Variants in CNTNAP5 observed in about 807,000 individuals in gnomAD.
The protein encoded by CNTNAP5 is contactin associated protein family member 5, also known as contactin-associated protein-like 5.
CNTNAP5 carries 72 observed loss-of-function variants against 150.2 expected under a neutral mutation model. The observed-to-expected ratio is 0.48, with a 90% CI of 0.40 to 0.58. The LOEUF (loss-of-function observed/expected upper bound fraction) is 0.58. Among genes scored for constraint, CNTNAP5 ranks in the 20% least tolerant of loss-of-function variants. The pLI, the probability that CNTNAP5 is intolerant of heterozygous loss-of-function variation, is 0.00. For synonymous variants in CNTNAP5, 672 were observed against 619.8 expected (o/e 1.08, Z -1.25); for missense variants, 1,636 against 1,626.2 (o/e 1.01, Z -0.10).
At chr2:124,314,654 A>T (rs563705012) in intron 3 of CNTNAP5, among the ~76,000 whole-genome samples, 155 of 152,330 alleles carry the variant, frequency 1.0e-3, no homozygotes, top group South Asian at 1.7e-3. Flanking sequence ...ATTTTATACA[A>T]TACAAAATAT....
At chr2:124,152,986 C>A (rs983953761) in intron 1 of CNTNAP5, among the ~76,000 whole-genome samples, 1 of 152,140 alleles carries the variant, frequency 6.6e-6, no homozygotes, top group African/African-American at 2.4e-5. Flanking sequence ...GCTAGACCAT[C>A]CCTAGGGTTA....
At chr2:124,059,681 G>A (rs2104651991) in intron 1 of CNTNAP5, among the ~76,000 whole-genome samples, 1 of 152,226 alleles carries the variant, frequency 6.6e-6, no homozygotes, top group Middle Eastern at 3.4e-3. Flanking sequence ...TTAAGAAGGA[G>A]TTGGGGACAC....
intron 1 of CNTNAP5, among the ~76,000 whole-genome samples, chr2:124,150,350 C>T (rs554460567): frequency 9.2e-5 from 14 of 152,272 alleles, no homozygotes; most frequent in African/African-American, 3.4e-4. Flanking sequence ...ACTAACTTAC[C>T]TCATGGAGGT....
At chr2:124,659,391 C>T (rs1055180187) in intron 13 of CNTNAP5, among the ~76,000 whole-genome samples, 1 of 152,014 alleles carries the variant, frequency 6.6e-6, no homozygotes, top group African/African-American at 2.4e-5. Flanking sequence ...AAATCATTAT[C>T]TTGGAAAGAG....
intron 3 of CNTNAP5, among the ~76,000 whole-genome samples, chr2:124,329,023 G>A (rs1489559786): frequency 6.6e-6 from 1 of 152,172 alleles, no homozygotes; most frequent in Non-Finnish European, 1.5e-5. Flanking sequence ...GAAGGAGACA[G>A]GGAATGTAGG....
chr2:124,772,489 G>A (rs1573607022), intron 16 of CNTNAP5, among the ~76,000 whole-genome samples: 1 of 152,108 alleles, frequency 6.6e-6, no homozygotes, highest in African/African-American at 2.4e-5. Context: ...GGACACAGCT[G>A]AAGCCACAAT....
At chr2:124,116,094 A>G (rs2104710939) in intron 1 of CNTNAP5, among the ~76,000 whole-genome samples, 1 of 152,320 alleles carries the variant, frequency 6.6e-6, no homozygotes, top group South Asian at 2.1e-4. Flanking sequence ...AATGCTCTAC[A>G]GGGCCAGTTT....
chr2:124,558,907 GTC>G (rs1695823543), intron 10 of CNTNAP5, among the ~76,000 whole-genome samples: 2 of 152,334 alleles, frequency 1.3e-5, no homozygotes, highest in South Asian at 4.1e-4. Flanking sequence ...ACTCAGAAAT[GTC>G]TGTCTCTAGT....
intron 3 of CNTNAP5, among the ~76,000 whole-genome samples, chr2:124,407,123 G>C (rs917575484): frequency 2.6e-5 from 4 of 152,068 alleles, no homozygotes; most frequent in Non-Finnish European, 4.4e-5. Flanking sequence ...TATCTTTGCT[G>C]TTGTAAGTAG....
intron 16 of CNTNAP5, among the ~76,000 whole-genome samples, chr2:124,768,090 G>A (rs1435413167): frequency 6.6e-6 from 1 of 152,194 alleles, no homozygotes; most frequent in African/African-American, 2.4e-5. Context: ...GGGAAAGAGG[G>A]AAGAGTCTCC....
At chr2:124,506,438 T>C (rs551284600) in intron 8 of CNTNAP5, among the ~76,000 whole-genome samples, 1 of 152,242 alleles carries the variant, frequency 6.6e-6, no homozygotes, top group South Asian at 2.1e-4. Flanking sequence ...CTGGGCCCAA[T>C]ATACTTTGCA....
chr2:124,564,522 A>C (rs1297756468), intron 11 of CNTNAP5, among the ~76,000 whole-genome samples: 4 of 151,868 alleles, frequency 2.6e-5, no homozygotes, highest in Admixed American at 6.6e-5. Context: ...CACCGGGCTA[A>C]ATTTTGTATT....
In CNTNAP5 at chr2:124,790,078, A is replaced by C. The variant is rs756694361; in HGVS notation, c.2929A>C (p.Lys977Gln). Reference sequence around the variant, plus strand: ...CCACAACGGGGGCAAGTGTGTGGAGAAGCACAATGGCTACCTGTGTGATTG... The same window carrying C: ...CCACAACGGGGGCAAGTGTGTGGAGCAGCACAATGGCTACCTGTGTGATTG... ...ICHNGGKCVE[K>Q]HNGYLCDCTN... The change falls in exon 18 of 24, where the codon AAG (lysine) becomes CAG (glutamine). Residue 977 changes from lysine (K) to glutamine (Q), a missense_variant. Transcript: ENST00000682447. 2 of 1,613,768 alleles carry C rather than the reference A, an allele frequency of 1.2e-6. No individual in the cohort carries two copies. The highest frequency in any genetic ancestry group is 1.7e-6 in the Non-Finnish European group (2 of 1,179,846).
intron 3 of CNTNAP5, among the ~76,000 whole-genome samples, chr2:124,264,111 C>G (rs901378761): frequency 6.6e-6 from 1 of 152,042 alleles, no homozygotes; most frequent in African/African-American, 2.4e-5. Flanking sequence ...AGAATGTTTT[C>G]AATCCCTACA....
chr2:124,651,039 C>A (rs1678310167), intron 13 of CNTNAP5, among the ~76,000 whole-genome samples: 2 of 152,194 alleles, frequency 1.3e-5, no homozygotes, highest in South Asian at 2.1e-4. Context: ...AATTCATACT[C>A]CCAACGACAC....
Position 124,243,433 on chromosome 2 carries a change from A to C in CNTNAP5, c.381+1040A>C, listed in dbSNP as rs191621499. 1.5e-4 allele frequency among the ~76,000 whole-genome samples: 23 copies of C among 152,264 alleles called. No individual in the cohort carries two copies. The East Asian group carries it at 4.2e-3, about 28-fold the overall frequency. On this transcript the variant is annotated intron_variant, in intron 3 of 23. Transcript: ENST00000682447. ...ATTGTTATTTGTTAATTGCCTACCC[A>C]TCACTTGGGGTTGTAATTGAAAACA...
chr2:124,458,520 A>T (rs1361210176), intron 6 of CNTNAP5, among the ~76,000 whole-genome samples: 1 of 151,684 alleles, frequency 6.6e-6, no homozygotes, highest in African/African-American at 2.4e-5. Context: ...GTTCAAGGGG[A>T]AAGCGTGGGA....
intron 1 of CNTNAP5, among the ~76,000 whole-genome samples, chr2:124,051,584 G>A (rs1681696371): frequency 6.6e-6 from 1 of 152,052 alleles, no homozygotes; most frequent in Non-Finnish European, 1.5e-5. Context: ...TAAATTATAC[G>A]CTTTGTAGCA....
intron 13 of CNTNAP5, among the ~76,000 whole-genome samples, chr2:124,664,757 T>G (rs10207721): frequency 0.6 from 91,760 of 152,170 alleles, 28,444 homozygotes; most frequent in African/African-American, 0.69. Flanking sequence ...CGCAATCTTG[T>G]CTCACTGCAA....
Sources: gnomAD v4.1 joint callset for allele counts (sites outside exome capture counted in the v4.1 genomes callset) on GRCh38, gnomAD v4.1.1 for gene constraint, MANE v1.5 for transcripts, NCBI Gene and HGNC (gene_info 2026-07-23, HGNC 2026-07-21) for gene names.